Variants in BMPR2 observed in about 807,000 individuals in gnomAD.
BMPR2 encodes bone morphogenetic protein receptor type 2, also known as bone morphogenetic protein receptor type-2.
BMPR2 carries 29 observed loss-of-function variants against 100.8 expected under a neutral mutation model. The observed-to-expected ratio is 0.29, with a 90% confidence interval of 0.21 to 0.39. BMPR2 has a LOEUF of 0.39. Among genes scored for constraint, BMPR2 ranks in the 10% least tolerant of loss-of-function variants. BMPR2 has a pLI of 1.00. For synonymous variants in BMPR2, 382 were observed against 442.3 expected (o/e 0.86, Z 1.71); for missense variants, 1,011 against 1,274.5 (o/e 0.79, Z 3.15).
chr2:202,515,061 C>T, intron 5 of BMPR2, 82 bp downstream of exon 5: 1 of 1,324,498 alleles, frequency 7.6e-7, no homozygotes, highest in East Asian at 2.3e-5. Flanking sequence ...ATCATTAAGA[C>T]ATTCATTCAT....
intron 1 of BMPR2, among the ~76,000 whole-genome samples, chr2:202,406,474 A>C (rs184073829): frequency 1.4e-4 from 21 of 152,340 alleles, no homozygotes; most frequent in Admixed American, 1.2e-3. Context: ...TACAGTAATA[A>C]ATTGTTTAAT....
At chr2:202,406,047 T>G (rs1690885079) in intron 1 of BMPR2, among the ~76,000 whole-genome samples, 1 of 152,222 alleles carries the variant, frequency 6.6e-6, no homozygotes, top group Non-Finnish European at 1.5e-5. Flanking sequence ...TTTCACTTCT[T>G]GATGAATACA....
At chr2:202,558,859 C>A (rs534354191) in intron 12 of BMPR2, among the ~76,000 whole-genome samples, 2 of 147,390 alleles carry the variant, frequency 1.4e-5, no homozygotes, top group Admixed American at 1.4e-4. Flanking sequence ...TGTCATTGCA[C>A]TCCAGCCTGG....
rs142833890 is a variant in BMPR2, at chr2:202,558,768, C to T, written c.2867-928C>T. On this transcript the variant is annotated intron_variant, in intron 12 of 12. Coordinates refer to ENST00000374580, the MANE Select transcript of BMPR2 (RefSeq NM_001204.7). ...AGTAGCCAGACGTGGTGGCACATGCCTGTAATCCCAGATACTTGGGAGGCT... is the reference window on the plus strand; with the variant it reads ...AGTAGCCAGACGTGGTGGCACATGCTTGTAATCCCAGATACTTGGGAGGCT... Among the ~76,000 whole-genome samples, 484 of 152,046 alleles carry T rather than the reference C, an allele frequency of 3.2e-3. 2 individuals are homozygous for T. The highest frequency in any genetic ancestry group is 0.011 in the African/African-American group (469 of 41,466).
At chr2:202,528,071 C>T (rs952132243) in intron 7 of BMPR2, among the ~76,000 whole-genome samples, 16 of 152,126 alleles carry the variant, frequency 1.1e-4, no homozygotes, top group Non-Finnish European at 2.1e-4. Flanking sequence ...CCTGTAGTCC[C>T]AGCTATTTAG....
At chr2:202,546,644 C>G (rs917219846) in intron 10 of BMPR2, among the ~76,000 whole-genome samples, 1 of 152,154 alleles carries the variant, frequency 6.6e-6, no homozygotes, top group Non-Finnish European at 1.5e-5. Context: ...CGCTCTGTCA[C>G]TCAGGCTGGA....
intron 5 of BMPR2, among the ~76,000 whole-genome samples, chr2:202,517,221 TA>T (rs757696369): frequency 0.011 from 1,468 of 129,886 alleles, 6 homozygotes; most frequent in East Asian, 0.026. Context: ...CTATCTCAAT[TA>T]AAAAAAAAAA....
rs949153747 is a variant in BMPR2, at chr2:202,553,836, G to A, written c.1586+948G>A. Among the ~76,000 whole-genome samples, 4 of 152,032 alleles carry A rather than the reference G, an allele frequency of 2.6e-5. No individual in the cohort carries two copies. The East Asian group carries it at 7.7e-4, about 29-fold the overall frequency. ...CCCGAGTAGCTGAGATTACAGTCAC[G>A]AGCCACCACGCCCAGCTAATTTTGT... On this transcript the variant is annotated intron_variant, in intron 11 of 12. Coordinates refer to ENST00000374580, the MANE Select transcript of BMPR2 (RefSeq NM_001204.7).
chr2:202,551,467 T>TGAGCAGAGATCGTGCCACTGG (rs1442571693), intron 10 of BMPR2, among the ~76,000 whole-genome samples: 1 of 151,848 alleles, frequency 6.6e-6, no homozygotes, highest in African/African-American at 2.4e-5. Context: ...GAAGTTGCAG[T>TGAGCAGAGATCGTGCCACTGG]GAGCAGAGAT....
intron 1 of BMPR2, among the ~76,000 whole-genome samples, chr2:202,394,340 A>C (rs1690617495): frequency 2.6e-5 from 4 of 151,590 alleles, no homozygotes; most frequent in Admixed American, 1.3e-4. Context: ...AACAAGAGTG[A>C]AACAACGTCT....
At chr2:202,550,453 A>G (rs1341987149) in intron 10 of BMPR2, among the ~76,000 whole-genome samples, 2 of 152,076 alleles carry the variant, frequency 1.3e-5, no homozygotes, top group East Asian at 3.9e-4. Context: ...CATGGCCTCA[A>G]ACAGTCCTCC....
At chr2:202,528,929 A>G (rs1229336777) in intron 7 of BMPR2, among the ~76,000 whole-genome samples, 1 of 152,240 alleles carries the variant, frequency 6.6e-6, no homozygotes, top group East Asian at 1.9e-4. Flanking sequence ...TATTTGGAGT[A>G]GAAATTTGGT....
chr2:202,482,745 T>C (rs959392005), intron 3 of BMPR2, among the ~76,000 whole-genome samples: 53 of 152,152 alleles, frequency 3.5e-4, no homozygotes, highest in African/African-American at 1.2e-3. Context: ...ATCACCATGT[T>C]AGCCAGGCTG....
intron 1 of BMPR2, among the ~76,000 whole-genome samples, chr2:202,406,902 C>G (rs1690903209): frequency 6.6e-6 from 1 of 151,836 alleles, no homozygotes; most frequent in Non-Finnish European, 1.5e-5. Context: ...CCCGAGGAGT[C>G]CTGTTCAGGT....
At chr2:202,485,567 G>A (rs1692760423) in intron 3 of BMPR2, among the ~76,000 whole-genome samples, 1 of 1,720 alleles carries the variant, frequency 5.8e-4, no homozygotes, top group Non-Finnish European at 5.6e-3. Context: ...TTTTTTTTGA[G>A]ACAGAGTCTC....
At chr2:202,496,615 A>G (rs1285323468) in intron 3 of BMPR2, among the ~76,000 whole-genome samples, 1 of 152,260 alleles carries the variant, frequency 6.6e-6, no homozygotes, top group Admixed American at 6.5e-5. Context: ...TCCACATGCA[A>G]ATAAAAATGG....
chr2:202,497,243 C>T (rs185940711), intron 3 of BMPR2, among the ~76,000 whole-genome samples: 2,413 of 152,332 alleles, frequency 0.016, 30 homozygotes, highest in Non-Finnish European at 0.021. Context: ...AGTGCCGCCC[C>T]CTGCTCCACG....
At chr2:202,450,396 A>G (rs1323370602) in intron 1 of BMPR2, among the ~76,000 whole-genome samples, 1 of 152,156 alleles carries the variant, frequency 6.6e-6, no homozygotes, top group African/African-American at 2.4e-5. Flanking sequence ...TGCTTTACAA[A>G]AGATTTCACC....
At chr2:202,377,921 T>A (rs1321591135) in intron 1 of BMPR2, among the ~76,000 whole-genome samples, 2 of 152,246 alleles carry the variant, frequency 1.3e-5, no homozygotes, top group African/African-American at 4.8e-5. Context: ...TGTAGATTTT[T>A]AAAATTATTA....
Sources: gnomAD v4.1 joint callset for allele counts (sites outside exome capture counted in the v4.1 genomes callset) on GRCh38, gnomAD v4.1.1 for gene constraint, MANE v1.5 for transcripts, NCBI Gene and HGNC (gene_info 2026-07-23, HGNC 2026-07-21) for gene names.